Variants in TENM3 observed in about 807,000 individuals in gnomAD.
TENM3 encodes the protein teneurin transmembrane protein 3.
TENM3 carries 63 observed loss-of-function variants against 255.1 expected under a neutral mutation model. That is an observed-to-expected ratio of 0.25 (90% CI 0.20 to 0.30). TENM3 has a LOEUF of 0.30. Ranked by LOEUF, TENM3 falls within the 10% of genes least tolerant of loss-of-function variation. The probability of loss-of-function intolerance (pLI) is 1.00; values close to 1 mark genes in which losing one functional copy is unlikely to be tolerated. For synonymous variants in TENM3, 1,306 were observed against 1,322.3 expected (o/e 0.99, Z 0.27); for missense variants, 2,929 against 3,461.1 (o/e 0.85, Z 3.86).
At chr4:182,775,803 C>CA (rs1456377893) in intron 24 of TENM3, among the ~76,000 whole-genome samples, 3 of 152,132 alleles carry the variant, frequency 2.0e-5, no homozygotes, top group African/African-American at 7.2e-5. Context: ...TTATGGGTTC[C>CA]AGATGAGGCT....
chr4:181,777,491 T>G, the TENM3 span, among the ~76,000 whole-genome samples: 1 of 152,104 alleles, frequency 6.6e-6, no homozygotes, highest in Admixed American at 6.6e-5. Context: ...TCTAGATTGC[T>G]TTGGGTAGTA....
At chr4:182,059,976 C>G in the TENM3 span, among the ~76,000 whole-genome samples, 1 of 151,790 alleles carries the variant, frequency 6.6e-6, no homozygotes, top group Non-Finnish European at 1.5e-5. Flanking sequence ...CCTTATTAGG[C>G]TGAGACCTGT....
At chr4:182,620,420 G>A (rs189497615) in intron 4 of TENM3, among the ~76,000 whole-genome samples, 1 of 152,268 alleles carries the variant, frequency 6.6e-6, no homozygotes, top group Admixed American at 6.5e-5. Context: ...GTTGCCTTTG[G>A]AAAGAGGGTA....
chr4:181,966,337 C>T, the TENM3 span, among the ~76,000 whole-genome samples: 15 of 152,150 alleles, frequency 9.9e-5, no homozygotes, highest in Non-Finnish European at 1.9e-4. Flanking sequence ...GTCCTCTAGA[C>T]ATTTGGTAGG....
intron 1 of TENM3, among the ~76,000 whole-genome samples, chr4:182,257,146 G>A (rs1758455771): frequency 6.6e-6 from 1 of 152,174 alleles, no homozygotes. Flanking sequence ...TCCCATCTTA[G>A]ACTCTAATTT....
chr4:182,484,444 C>CA (rs1734507401), intron 3 of TENM3, among the ~76,000 whole-genome samples: 1 of 152,042 alleles, frequency 6.6e-6, no homozygotes, highest in African/African-American at 2.4e-5. Context: ...TCACAGCTGA[C>CA]AGAACAGTGG....
intron 3 of TENM3, among the ~76,000 whole-genome samples, chr4:182,591,594 G>A (rs1291851398): frequency 6.6e-6 from 1 of 152,168 alleles, no homozygotes; most frequent in Non-Finnish European, 1.5e-5. Flanking sequence ...GCAACTATCT[G>A]ACAGATATTT....
At chr4:181,919,839 C>T in the TENM3 span, among the ~76,000 whole-genome samples, 3 of 149,846 alleles carry the variant, frequency 2.0e-5, no homozygotes, top group South Asian at 4.3e-4. Flanking sequence ...CCCATTAACT[C>T]GTCATTTAGC....
At chr4:181,556,152 T>A in the TENM3 span, among the ~76,000 whole-genome samples, 1 of 152,210 alleles carries the variant, frequency 6.6e-6, no homozygotes, top group East Asian at 1.9e-4. Flanking sequence ...AACAAGTTGG[T>A]TGGTAATAAT....
At chr4:181,999,838 T>C in the TENM3 span, among the ~76,000 whole-genome samples, 2 of 152,168 alleles carry the variant, frequency 1.3e-5, no homozygotes, top group African/African-American at 4.8e-5. Flanking sequence ...AACCTCAAAC[T>C]AGGTCCTCCA....
the TENM3 span, among the ~76,000 whole-genome samples, chr4:181,595,975 T>C: frequency 2.0e-5 from 3 of 152,208 alleles, no homozygotes; most frequent in Non-Finnish European, 4.4e-5. Flanking sequence ...TTCCTTGCTC[T>C]TAAAAAGTAT....
chr4:182,662,496 C>A (rs537583180), intron 6 of TENM3, among the ~76,000 whole-genome samples: 1 of 152,154 alleles, frequency 6.6e-6, no homozygotes, highest in Non-Finnish European at 1.5e-5. Context: ...CACTCTGTTG[C>A]CCTGTCTCTA....
chr4:181,715,310 G>C, the TENM3 span, among the ~76,000 whole-genome samples: 1,251 of 152,228 alleles, frequency 8.2e-3, 15 homozygotes, highest in Middle Eastern at 0.037. Flanking sequence ...AGCTGTTTAA[G>C]TGTTTAGATG....
chr4:181,766,978 C>T, the TENM3 span, among the ~76,000 whole-genome samples: 171 of 151,664 alleles, frequency 1.1e-3, 1 homozygote, highest in African/African-American at 3.8e-3. Context: ...AGAGGCCGGG[C>T]GCAGTGGCTC....
rs1766274380 is a variant in TENM3, at chr4:182,793,598, A to G, written c.6926A>G (p.Asn2309Ser). The change falls in exon 26 of 28, where the codon AAT (asparagine) becomes AGT (serine). Residue 2309 changes from asparagine (N) to serine (S), a missense_variant. Transcript: ENST00000511685. This position sits in a 1 kb window ranked among gnomAD's most constrained non-coding sequence, Gnocchi z 5.7. ...TGTPLAVFSS[N>S]GLMLKQIQYT... ...ACACCACTGGCTGTGTTCAGTAGCA[A>G]TGGGCTTATGCTGAAACAGATTCAG... 1.9e-6 allele frequency: 3 copies of G among 1,613,966 alleles called. No homozygotes were observed. The highest frequency in any genetic ancestry group is 2.2e-5 in the East Asian group (1 of 44,886).
chr4:181,850,952 T>G, the TENM3 span, among the ~76,000 whole-genome samples: 1 of 152,166 alleles, frequency 6.6e-6, no homozygotes, highest in African/African-American at 2.4e-5. Flanking sequence ...GTGAAGCCGT[T>G]TCATCTCCCA....
chr4:181,718,978 G>A, the TENM3 span, among the ~76,000 whole-genome samples: 2 of 151,782 alleles, frequency 1.3e-5, no homozygotes, highest in Admixed American at 6.6e-5. Flanking sequence ...AGGCCGAGGC[G>A]GGTGGATCAT....
intron 3 of TENM3, among the ~76,000 whole-genome samples, chr4:182,355,365 A>G (rs1765449209): frequency 6.6e-6 from 1 of 152,106 alleles, no homozygotes; most frequent in Non-Finnish European, 1.5e-5. Context: ...CCTGCAGGTA[A>G]TGGGGAGGCT....
chr4:182,275,410 C>G (rs1759933725), intron 1 of TENM3, among the ~76,000 whole-genome samples: 1 of 152,098 alleles, frequency 6.6e-6, no homozygotes, highest in Admixed American at 6.6e-5. Context: ...TTGCTTTCAC[C>G]CTCAGATTTG....
Sources: gnomAD v4.1 joint callset for allele counts (sites outside exome capture counted in the v4.1 genomes callset) on GRCh38, gnomAD v4.1.1 for gene constraint, Gnocchi (gnomAD v3.1) non-coding constraint, MANE v1.5 for transcripts, NCBI Gene and HGNC (gene_info 2026-07-23, HGNC 2026-07-21) for gene names.